Variants in MYO9A observed in about 807,000 individuals in gnomAD.
MYO9A encodes the protein myosin IXA, also known as unconventional myosin-IXa.
In MYO9A, 103 loss-of-function variants were observed where a neutral mutation model predicts 293.3. That is an observed-to-expected ratio of 0.35 (90% confidence interval 0.30 to 0.41). The LOEUF is 0.41. Ranked by LOEUF, MYO9A falls within the 10% of genes least tolerant of loss-of-function variation. The probability of loss-of-function intolerance (pLI) is 1.00; values close to 1 mark genes in which losing one functional copy is unlikely to be tolerated. For missense variants in MYO9A, 2,685 were observed against 3,033.0 expected, an observed-to-expected ratio of 0.89 and a Z score of 2.69; for synonymous variants, 1,001 against 1,035.7, an observed-to-expected ratio of 0.97 and a Z score of 0.64.
At chr15:71,845,900 G>A (rs964408149) in intron 39 of MYO9A, among the ~76,000 whole-genome samples, 3 of 152,152 alleles carry the variant, frequency 2.0e-5, no homozygotes, top group Non-Finnish European at 4.4e-5. Flanking sequence ...TAATGAAACA[G>A]TATTTACAAT....
At chr15:71,847,092 A>G (rs879344257) in intron 39 of MYO9A, among the ~76,000 whole-genome samples, 3 of 152,250 alleles carry the variant, frequency 2.0e-5, no homozygotes, top group African/African-American at 7.2e-5. Context: ...AATTAATTTG[A>G]TATCTCAATG....
intron 39 of MYO9A, among the ~76,000 whole-genome samples, chr15:71,833,401 A>G (rs933778418): frequency 2.0e-5 from 3 of 152,164 alleles, no homozygotes; most frequent in Non-Finnish European, 4.4e-5. Flanking sequence ...GATACCTCAC[A>G]ATGACAAAGG....
chr15:72,065,963 G>A (rs1567001211), intron 1 of MYO9A, among the ~76,000 whole-genome samples: 1 of 152,214 alleles, frequency 6.6e-6, no homozygotes, highest in Non-Finnish European at 1.5e-5. Context: ...AGTTTAAGGA[G>A]TGGAAGGTCA....
At position 72,040,627 on chromosome 15, in the gene MYO9A, G is replaced by A. The variant is rs562677018; in HGVS notation, c.840+5097C>T. Among the ~76,000 whole-genome samples, 16 of 152,236 alleles carry A rather than the reference G, an allele frequency of 1.1e-4. No homozygotes were observed. In the East Asian group the frequency reaches 1.5e-3, roughly 15 times the overall value. On this transcript the variant is annotated intron_variant, in intron 2 of 41. Coordinates refer to ENST00000356056, the MANE Select transcript of MYO9A (RefSeq NM_006901.4). The stretch of plus-strand genomic sequence containing the variant: ...TTCCGTTTTTTTGAGACGGAGTCTC[G>A]CTCTGTTGACCAGACTGGAGTGCAA...
chr15:72,074,359 C>A (rs776853262), intron 1 of MYO9A, among the ~76,000 whole-genome samples: 4 of 151,908 alleles, frequency 2.6e-5, no homozygotes, highest in Non-Finnish European at 5.9e-5. Flanking sequence ...AAAGACAAAG[C>A]TAAACTATAA....
At chr15:71,862,966 T>TACA (rs2056198110) in intron 32 of MYO9A, among the ~76,000 whole-genome samples, 1 of 150,622 alleles carries the variant, frequency 6.6e-6, no homozygotes, top group Non-Finnish European at 1.5e-5. Context: ...CTTGCTATGT[T>TACA]GCCCAGGCTG....
chr15:71,853,204 T>C (rs1343795349), intron 35 of MYO9A, among the ~76,000 whole-genome samples: 1 of 152,246 alleles, frequency 6.6e-6, no homozygotes, highest in East Asian at 1.9e-4. Context: ...GGTTTTGGAT[T>C]TGTCCACAGA....
Position 71,898,347 on chromosome 15 carries a change from A to G in MYO9A, c.4156T>C (p.Leu1386=). 6.2e-7 allele frequency: 1 copy of G among 1,613,748 alleles called. No individual in the cohort carries two copies. The highest frequency in any genetic ancestry group is 8.5e-7 in the Non-Finnish European group (1 of 1,180,030). The change falls in exon 25 of 42, where the codon TTG becomes CTG. Residue 1386 remains leucine, a synonymous_variant. Transcript: ENST00000356056. The part of the protein sequence containing the change: ...ASNETSSAEH[L]KDGTMKEMVV... ...ATTTCCTTCATAGTTCCATCCTTCAAATGCTCTGCACTGCTAGTCTCATTT... is the reference window on the plus strand; with the variant it reads ...ATTTCCTTCATAGTTCCATCCTTCAGATGCTCTGCACTGCTAGTCTCATTT...
intron 27 of MYO9A, 126 bp from the exon 28 acceptor site, chr15:71,883,862 A>T: frequency 1.2e-6 from 1 of 858,644 alleles, no homozygotes; most frequent in Non-Finnish European, 1.7e-6. Flanking sequence ...CATTTAAATT[A>T]AGTGTATTTA....
At chr15:72,091,330 G>T (rs1205888785) in intron 1 of MYO9A, among the ~76,000 whole-genome samples, 1 of 151,778 alleles carries the variant, frequency 6.6e-6, no homozygotes, top group East Asian at 1.9e-4. Flanking sequence ...ATCCATATGG[G>T]GTGTTAGCTT....
chr15:71,838,532 C>T (rs1026052656), intron 39 of MYO9A, among the ~76,000 whole-genome samples: 2 of 152,104 alleles, frequency 1.3e-5, no homozygotes, highest in Admixed American at 1.3e-4. Context: ...GTAACTATTC[C>T]AGTGACTTCC....
At chr15:72,071,646 A>G (rs1174607255) in intron 1 of MYO9A, among the ~76,000 whole-genome samples, 1 of 152,060 alleles carries the variant, frequency 6.6e-6, no homozygotes, top group Non-Finnish European at 1.5e-5. Flanking sequence ...GGCAGGTTAC[A>G]GAGGAGGCTG....
At chr15:71,897,323 A>G in intron 25 of MYO9A, 138 bp downstream of exon 25, 1 of 922,238 alleles carries the variant, frequency 1.1e-6, no homozygotes, top group Non-Finnish European at 1.6e-6. Context: ...AGAGTCAACA[A>G]TTAGGGAATA....
rs374819318 is a variant in MYO9A at position 72,038,262 on chromosome 15, C to T, written c.841-5674G>A. On this transcript the variant is annotated intron_variant, in intron 2 of 41. Transcript: ENST00000356056. The stretch of plus-strand genomic sequence containing the variant: ...TTAAATGCACAAAATATATCCACCA[C>T]GAAAGACCATGTTCTGGGCCATAAG... Among the ~76,000 whole-genome samples the T allele has an allele frequency of 1.2e-4, 19 of 152,172 alleles. No individual in the cohort carries two copies. In the East Asian group the frequency reaches 1.5e-3, roughly 12 times the overall value.
intron 12 of MYO9A, among the ~76,000 whole-genome samples, chr15:71,970,427 A>T (rs1175344508): frequency 2.0e-5 from 3 of 152,216 alleles, no homozygotes; most frequent in Non-Finnish European, 4.4e-5. Flanking sequence ...ACAACTAAGG[A>T]TATATTTGAC....
intron 22 of MYO9A, among the ~76,000 whole-genome samples, chr15:71,901,846 A>G (rs1450389901): frequency 6.6e-6 from 1 of 152,178 alleles, no homozygotes; most frequent in Non-Finnish European, 1.5e-5. Context: ...GGGATGGGGA[A>G]AAAAGTTGAA....
intron 1 of MYO9A, among the ~76,000 whole-genome samples, chr15:72,093,447 G>T (rs1008061035): frequency 4.6e-5 from 7 of 152,034 alleles, no homozygotes; most frequent in African/African-American, 1.7e-4. Flanking sequence ...GAGGCAAGAG[G>T]ATCACCTGAG....
chr15:71,932,696 ATGTC>A (rs1179049269), intron 18 of MYO9A, among the ~76,000 whole-genome samples: 3 of 152,050 alleles, frequency 2.0e-5, no homozygotes, highest in African/African-American at 7.2e-5. Flanking sequence ...GTCCCTGGAA[ATGTC>A]TGTGTGTTTA....
chr15:71,994,610 G>A, intron 9 of MYO9A, 25 bp from the exon 10 acceptor site: 3 of 1,406,666 alleles, frequency 2.1e-6, no homozygotes, highest in South Asian at 1.3e-5. Context: ...CATTACAAGT[G>A]CATGTAGAAT....
Sources: gnomAD v4.1 joint callset for allele counts (sites outside exome capture counted in the v4.1 genomes callset) on GRCh38, gnomAD v4.1.1 for gene constraint, MANE v1.5 for transcripts, NCBI Gene and HGNC (gene_info 2026-07-23, HGNC 2026-07-21) for gene names.